The following GANC variants were observed in gnomAD, a reference collection of about 807,000 sequenced individuals.
GANC encodes glucosidase alpha, neutral C, also known as neutral alpha-glucosidase C.
A neutral mutation model predicts 124.2 loss-of-function variants in GANC; 117 were observed. The ratio of observed to expected loss-of-function variants is 0.94; its 90% confidence interval spans 0.81 to 1.10. The LOEUF (loss-of-function observed/expected upper bound fraction) is 1.10, where lower values mean the gene tolerates loss of function less well. GANC is among the 50% of genes least tolerant of loss of function. GANC has a pLI of 0.00. For synonymous variants in GANC, 377 were observed against 376.8 expected (o/e 1.00, Z -0.01); for missense variants, 1,140 against 1,095.0 (o/e 1.04, Z -0.58).
At chr15:42,276,651 T>G (rs908534651) in intron 2 of GANC, among the ~76,000 whole-genome samples, 2 of 152,178 alleles carry the variant, frequency 1.3e-5, no homozygotes, top group Non-Finnish European at 2.9e-5. Context: ...GTTTTAAATT[T>G]TGACGCTTTG....
intron 16 of GANC, among the ~76,000 whole-genome samples, chr15:42,338,918 AAAAC>A (rs1364659035): frequency 6.6e-6 from 1 of 152,198 alleles, no homozygotes; most frequent in African/African-American, 2.4e-5. Flanking sequence ...TAACTGTACT[AAAAC>A]AAAAACATAT....
At chr15:42,277,552 T>C (rs1200121631) in intron 2 of GANC, among the ~76,000 whole-genome samples, 1 of 152,048 alleles carries the variant, frequency 6.6e-6, no homozygotes, top group Non-Finnish European at 1.5e-5. Context: ...AGATTGCCTG[T>C]TTCTCCAGAG....
intron 14 of GANC, 87 bp from the exon 15 acceptor site, chr15:42,330,488 GT>G: frequency 1.2e-6 from 1 of 838,970 alleles, no homozygotes; most frequent in Non-Finnish European, 2.0e-6. Context: ...CCTGCCTACT[GT>G]TTGCTTTTTG....
chr15:42,318,753 T>A (rs1335698474), intron 10 of GANC, among the ~76,000 whole-genome samples: 2 of 152,148 alleles, frequency 1.3e-5, no homozygotes, highest in African/African-American at 4.8e-5. Context: ...CATGCCCAAC[T>A]AATTTTTTCA....
At chr15:42,300,144 C>T (rs1035282827) in intron 6 of GANC, among the ~76,000 whole-genome samples, 1 of 152,140 alleles carries the variant, frequency 6.6e-6, no homozygotes, top group African/African-American at 2.4e-5. Context: ...AGCTTCTGCA[C>T]AGCAACAGAA....
intron 12 of GANC, among the ~76,000 whole-genome samples, 177 bp downstream of exon 12, chr15:42,326,601 T>C (rs2052200546): frequency 6.6e-6 from 1 of 152,208 alleles, no homozygotes; most frequent in Non-Finnish European, 1.5e-5. Context: ...TAATACCTGG[T>C]ACTATATGCT....
At position 42,274,298 on chromosome 15, in the gene GANC, A is replaced by C. The variant is rs1424231282; in HGVS notation, c.-184A>C. The C allele has an allele frequency of 3.0e-6, 2 of 660,790 alleles. No individual in the cohort carries two copies. The highest frequency in any genetic ancestry group is 3.7e-5 in the African/African-American group (2 of 53,792). The allele number at this position is 660,790 out of a possible 1,614,324, so 40.9% of individuals were successfully genotyped here. A position where few individuals can be genotyped will look rare whatever the true frequency, so the allele number is the denominator to read the frequency against. ...TGTAGAAACGCTAGTTTGGGCCTGA[A>C]AAATTCCAGGAGCAAGAGTCAAGAT... On this transcript the variant is annotated 5_prime_UTR_variant, in exon 1 of 24. Transcript: ENST00000318010.
At chr15:42,289,692 G>A (rs2051823275) in intron 4 of GANC, among the ~76,000 whole-genome samples, 1 of 152,202 alleles carries the variant, frequency 6.6e-6, no homozygotes, top group South Asian at 2.1e-4. Flanking sequence ...TGGAGGCAGT[G>A]AGGATGTATT....
In GANC at chr15:42,308,286, A is replaced by G; in HGVS notation, c.690A>G (p.Gln230=). 6.2e-7 allele frequency: 1 copy of G among 1,609,486 alleles called. No homozygotes were observed. The highest frequency in any genetic ancestry group is 8.5e-7 in the Non-Finnish European group (1 of 1,176,442). ...TTGAGCATCTTTATGGGATCCCACA[A>G]CATGCAGAATCACACCAACTTAAAA... The part of the protein sequence containing the change: ...HGFEHLYGIP[Q]HAESHQLKNT... Residue 230 remains glutamine (Q), a synonymous_variant, in exon 8 of 24, where the codon CAA becomes CAG. Coordinates refer to ENST00000318010, the MANE Select transcript of GANC (RefSeq NM_198141.3).
chr15:42,333,039 T>TATA (rs397721498), intron 15 of GANC, among the ~76,000 whole-genome samples: 9 of 123,084 alleles, frequency 7.3e-5, no homozygotes, highest in East Asian at 2.4e-4. Context: ...TATATATATA[T>TATA]TTTTTTTGGT....
intron 4 of GANC, among the ~76,000 whole-genome samples, chr15:42,289,032 A>C (rs1017323977): frequency 1.3e-5 from 2 of 152,196 alleles, no homozygotes; most frequent in African/African-American, 2.4e-5. Flanking sequence ...TTTAGGGTCC[A>C]GGTGATAATT....
chr15:42,337,942 T>C (rs1487630316), intron 15 of GANC, among the ~76,000 whole-genome samples: 1 of 152,020 alleles, frequency 6.6e-6, no homozygotes, highest in Non-Finnish European at 1.5e-5. Context: ...ACACTTGTAA[T>C]CCCAGCTACT....
chr15:42,348,292 C>T (rs972702543), intron 21 of GANC, 76 bp downstream of exon 21: 11 of 840,620 alleles, frequency 1.3e-5, no homozygotes, highest in East Asian at 2.7e-5. Flanking sequence ...TGTGACACTA[C>T]GTAAAAGTGG....
At chr15:42,326,782 C>A (rs762060144) in intron 12 of GANC, among the ~76,000 whole-genome samples, 2 of 152,188 alleles carry the variant, frequency 1.3e-5, no homozygotes, top group Non-Finnish European at 2.9e-5. Flanking sequence ...GATTGCTCTT[C>A]ACCCTTTTAG....
At chr15:42,293,034 G>A in intron 5 of GANC, 117 bp downstream of exon 5, 1 of 933,906 alleles carries the variant, frequency 1.1e-6, no homozygotes, top group Non-Finnish European at 1.6e-6. Flanking sequence ...ATTTGCTCTA[G>A]TATTGTTCTG....
chr15:42,300,049 C>T (rs1023801792), intron 6 of GANC, among the ~76,000 whole-genome samples: 2 of 152,130 alleles, frequency 1.3e-5, no homozygotes, highest in Admixed American at 6.5e-5. Context: ...AGGACATAGG[C>T]GTGGGCAAAG....
chr15:42,288,164 C>G (rs567453561), intron 4 of GANC, among the ~76,000 whole-genome samples: 1 of 152,248 alleles, frequency 6.6e-6, no homozygotes, highest in East Asian at 1.9e-4. Context: ...AGAAGGAAAG[C>G]TACTTATTAC....
At chr15:42,288,207 T>A (rs920243383) in intron 4 of GANC, among the ~76,000 whole-genome samples, 1 of 152,150 alleles carries the variant, frequency 6.6e-6, no homozygotes, top group Admixed American at 6.6e-5. Context: ...TCCGGAGATC[T>A]AATACGCTAG....
intron 13 of GANC, among the ~76,000 whole-genome samples, chr15:42,328,107 G>A (rs1254792817): frequency 6.6e-6 from 1 of 152,186 alleles, no homozygotes; most frequent in East Asian, 1.9e-4. Context: ...AACTTGCCAA[G>A]GTCATGCATC....
Sources: gnomAD v4.1 joint callset for allele counts (sites outside exome capture counted in the v4.1 genomes callset) on GRCh38, gnomAD v4.1.1 for gene constraint, MANE v1.5 for transcripts, NCBI Gene and HGNC (gene_info 2026-07-23, HGNC 2026-07-21) for gene names.